GRID2: variants seen among roughly 807,000 people sequenced by gnomAD.
GRID2 encodes glutamate receptor ionotropic, delta-2.
GRID2 carries 33 observed loss-of-function variants against 114.8 expected under a neutral mutation model. That is an observed-to-expected ratio of 0.29 (90% CI 0.22 to 0.38). The LOEUF is 0.38. Among genes scored for constraint, GRID2 ranks in the 10% least tolerant of loss-of-function variants. GRID2 has a pLI of 1.00. For synonymous variants in GRID2, 505 were observed against 449.9 expected (o/e 1.12, Z -1.55); for missense variants, 1,184 against 1,257.7 (o/e 0.94, Z 0.89).
At chr4:92,820,653 T>A (rs977075253) in intron 2 of GRID2, among the ~76,000 whole-genome samples, 1 of 152,138 alleles carries the variant, frequency 6.6e-6, no homozygotes, top group Non-Finnish European at 1.5e-5. Flanking sequence ...GGTGGCATAA[T>A]GTCTTCTGCA....
Position 93,238,358 on chromosome 4 carries a change from T to C in GRID2, c.1126-13T>C, listed in dbSNP as rs773226009. 6.3e-7 allele frequency: 1 copy of C among 1,591,968 alleles called. No homozygotes were observed. The highest frequency in any genetic ancestry group is 8.6e-7 in the Non-Finnish European group (1 of 1,162,848). ...TTCTCAAATTTTACATCAGTATCTG[T>C]TCTCTCCTTTAGGGTGGAGTTAGTG... is the stretch of plus-strand genomic sequence containing the variant. On this transcript the variant is annotated splice_polypyrimidine_tract_variant and intron_variant, in intron 7 of 15. Transcript: ENST00000282020.
intron 14 of GRID2, among the ~76,000 whole-genome samples, chr4:93,633,350 G>T (rs1366694983): frequency 6.6e-6 from 1 of 151,712 alleles, no homozygotes; most frequent in East Asian, 1.9e-4. Context: ...TATTCAAAAA[G>T]AGAACATTAG....
At chr4:92,734,664 A>G (rs957954585) in intron 2 of GRID2, among the ~76,000 whole-genome samples, 4 of 151,982 alleles carry the variant, frequency 2.6e-5, no homozygotes, top group African/African-American at 9.7e-5. Flanking sequence ...TGAGTAATAT[A>G]TGTGTGATTA....
intron 8 of GRID2, among the ~76,000 whole-genome samples, chr4:93,337,323 T>G (rs1406569929): frequency 6.6e-6 from 1 of 152,178 alleles, no homozygotes; most frequent in Non-Finnish European, 1.5e-5. Context: ...GAGATTCCTG[T>G]CTAAGGAAGT....
intron 2 of GRID2, among the ~76,000 whole-genome samples, chr4:92,945,120 C>T (rs1292802995): frequency 6.6e-6 from 1 of 152,124 alleles, no homozygotes; most frequent in Non-Finnish European, 1.5e-5. Flanking sequence ...CATTCAGTGA[C>T]TTATTGTGTA....
intron 13 of GRID2, among the ~76,000 whole-genome samples, chr4:93,574,863 A>C (rs1477188330): frequency 6.6e-6 from 1 of 152,210 alleles, no homozygotes; most frequent in Non-Finnish European, 1.5e-5. Context: ...TAACACAATA[A>C]GGGTTATTTC....
chr4:93,289,537 A>C (rs139631450), intron 8 of GRID2, among the ~76,000 whole-genome samples: 1 of 152,200 alleles, frequency 6.6e-6, no homozygotes, highest in African/African-American at 2.4e-5. Context: ...ATACACACAT[A>C]TTGGTACTGG....
intron 1 of GRID2, among the ~76,000 whole-genome samples, chr4:92,324,122 C>A (rs1726468597): frequency 6.6e-6 from 1 of 151,950 alleles, no homozygotes; most frequent in Non-Finnish European, 1.5e-5. Flanking sequence ...AGGTAACTAA[C>A]CCAGTGTTTG....
At chr4:92,439,150 T>G (rs1579360102) in intron 1 of GRID2, among the ~76,000 whole-genome samples, 8 of 141,920 alleles carry the variant, frequency 5.6e-5, no homozygotes, top group East Asian at 2.1e-4. Context: ...CGGGCAGGAG[T>G]GGGGGTTGCA....
rs187880380 is a variant in GRID2, at chr4:93,037,264, G to A, written c.245-47731G>A. 1.2e-3 allele frequency among the ~76,000 whole-genome samples: 179 copies of A among 152,152 alleles called. 1 individual carries two copies. The highest frequency in any genetic ancestry group is 4.1e-3 in the African/African-American group (172 of 41,528). ...AAATGTTGAGCTAGTTACTTCTTGAGGAAGGAGAAAGAACAAAATAAGTAT... is the reference window on the plus strand; with the variant it reads ...AAATGTTGAGCTAGTTACTTCTTGAAGAAGGAGAAAGAACAAAATAAGTAT... On this transcript the variant is annotated intron_variant, in intron 2 of 15. Coordinates refer to ENST00000282020, the MANE Select transcript of GRID2 (RefSeq NM_001510.4).
chr4:93,742,309 A>G (rs1255558471), intron 14 of GRID2, among the ~76,000 whole-genome samples: 2 of 152,148 alleles, frequency 1.3e-5, no homozygotes, highest in African/African-American at 4.8e-5. Context: ...TAAGCATCCT[A>G]ACTTTTCTGA....
chr4:93,203,659 A>C (rs1013562870), intron 4 of GRID2, among the ~76,000 whole-genome samples: 1 of 152,218 alleles, frequency 6.6e-6, no homozygotes, highest in African/African-American at 2.4e-5. Context: ...AATGCTTTGC[A>C]TTAAAGATAA....
Position 93,429,348 on chromosome 4 carries a change from C to T in GRID2, c.1545+6380C>T, listed in dbSNP as rs140602253. On this transcript the variant is annotated intron_variant, in intron 10 of 15. Coordinates refer to ENST00000282020, the MANE Select transcript of GRID2 (RefSeq NM_001510.4). ...AATGATCAGTACTGTCTGCAAATTG[C>T]GCCCTTTACAATTTTCTAAATGATT... is the stretch of plus-strand genomic sequence containing the variant. Among the ~76,000 whole-genome samples the T allele has an allele frequency of 1.7e-3, 252 of 152,176 alleles. 1 individual carries two copies. The highest frequency in any genetic ancestry group is 4.5e-3 in the African/African-American group (187 of 41,512).
intron 13 of GRID2, among the ~76,000 whole-genome samples, chr4:93,615,527 T>C (rs1741532114): frequency 1.3e-5 from 2 of 152,098 alleles, no homozygotes; most frequent in African/African-American, 2.4e-5. Flanking sequence ...ATGGTATTTC[T>C]AGCTCTAGAT....
At position 93,635,182 on chromosome 4, in the gene GRID2, T is replaced by C. The variant is rs976174695; in HGVS notation, c.2360+8747T>C. Among the ~76,000 whole-genome samples, 10 of 151,742 alleles carry C rather than the reference T, an allele frequency of 6.6e-5. No homozygotes were observed. In the South Asian group the frequency reaches 1.9e-3, roughly 28 times the overall value. ...CAGACTTTTTTTTAATTTATATATA[T>C]GTTTTATTTAATTTTATGTGTGTAT... On this transcript the variant is annotated intron_variant, in intron 14 of 15. Coordinates refer to ENST00000282020, the MANE Select transcript of GRID2 (RefSeq NM_001510.4).
At chr4:93,031,418 C>A (rs1489864848) in intron 2 of GRID2, among the ~76,000 whole-genome samples, 1 of 152,156 alleles carries the variant, frequency 6.6e-6, no homozygotes, top group Non-Finnish European at 1.5e-5. Context: ...AATTCTTCCC[C>A]TGCTGCCTGA....
At chr4:92,643,161 A>G (rs905026461) in intron 2 of GRID2, among the ~76,000 whole-genome samples, 4 of 151,810 alleles carry the variant, frequency 2.6e-5, no homozygotes, top group African/African-American at 7.2e-5. Context: ...TTTGATAGGT[A>G]TAACATTGAA....
intron 1 of GRID2, among the ~76,000 whole-genome samples, chr4:92,495,958 A>G (rs990211855): frequency 2.4e-4 from 37 of 151,922 alleles, no homozygotes; most frequent in African/African-American, 8.7e-4. Context: ...AGCCATCTTT[A>G]TGGCTAAATA....
At chr4:93,348,783 A>G (rs2149257525) in intron 8 of GRID2, among the ~76,000 whole-genome samples, 1 of 152,268 alleles carries the variant, frequency 6.6e-6, no homozygotes. Flanking sequence ...TAGAGGGAAA[A>G]CAATCAAATA....
Sources: gnomAD v4.1 joint callset for allele counts (sites outside exome capture counted in the v4.1 genomes callset) on GRCh38, gnomAD v4.1.1 for gene constraint, MANE v1.5 for transcripts, NCBI Gene and HGNC (gene_info 2026-07-23, HGNC 2026-07-21) for gene names.